CRB1: variants seen among roughly 807,000 people sequenced by gnomAD.
The protein encoded by CRB1 is crumbs cell polarity complex component 1, also known as protein crumbs homolog 1.
CRB1 carries 83 observed loss-of-function variants against 120.0 expected under a neutral mutation model. The observed-to-expected ratio is 0.69, with a 90% confidence interval of 0.58 to 0.83. The LOEUF is 0.83. Ranked by LOEUF, CRB1 falls within the 40% of genes least tolerant of loss-of-function variation. The pLI, the probability that CRB1 is intolerant of heterozygous loss-of-function variation, is 0.00. For missense variants in CRB1, 1,699 were observed against 1,687.6 expected (o/e 1.01, Z -0.12); for synonymous variants, 625 against 612.5 (o/e 1.02, Z -0.30).
intron 1 of CRB1, among the ~76,000 whole-genome samples, chr1:197,312,875 G>C (rs187240464): frequency 4.6e-4 from 70 of 152,020 alleles, no homozygotes; most frequent in African/African-American, 1.6e-3. Flanking sequence ...AATATATCAA[G>C]TGCATTAATC....
At chr1:197,355,614 G>A (rs962010691) in intron 4 of CRB1, among the ~76,000 whole-genome samples, 14 of 152,310 alleles carry the variant, frequency 9.2e-5, no homozygotes, top group East Asian at 1.9e-4. Flanking sequence ...GGGCTCCTGC[G>A]TACCCTCCAC....
At chr1:197,296,517 T>A (rs1417438258) in intron 1 of CRB1, among the ~76,000 whole-genome samples, 2 of 152,056 alleles carry the variant, frequency 1.3e-5, no homozygotes, top group Non-Finnish European at 2.9e-5. Context: ...AAGTCAGTTG[T>A]ATCTCCAGGT....
chr1:197,295,198 C>G (rs927241906), intron 1 of CRB1, among the ~76,000 whole-genome samples: 28 of 151,896 alleles, frequency 1.8e-4, no homozygotes, highest in African/African-American at 6.8e-4. Flanking sequence ...AATTGTTAAT[C>G]CTTTTTCAAT....
At chr1:197,422,101 G>A (rs566899146) in intron 6 of CRB1, 145 bp downstream of exon 6, 3 of 701,170 alleles carry the variant, frequency 4.3e-6, no homozygotes, top group South Asian at 1.8e-5. Flanking sequence ...TGATGAGAAA[G>A]AAAAGAAGAG....
intron 5 of CRB1, among the ~76,000 whole-genome samples, chr1:197,408,252 C>T (rs994626211): frequency 6.6e-5 from 10 of 151,930 alleles, no homozygotes; most frequent in African/African-American, 2.2e-4. Flanking sequence ...TTGGGCAGAA[C>T]TGTGAAAGAA....
chr1:197,352,898 T>C (rs1660187744), intron 4 of CRB1, among the ~76,000 whole-genome samples: 1 of 152,194 alleles, frequency 6.6e-6, no homozygotes, highest in African/African-American at 2.4e-5. Context: ...TGCTTATTAA[T>C]AGTCAATTCC....
the CRB1 span, among the ~76,000 whole-genome samples, chr1:197,213,069 A>G: frequency 1.3e-5 from 2 of 152,210 alleles, no homozygotes; most frequent in African/African-American, 4.8e-5. Flanking sequence ...AAACTTCTAA[A>G]TAACAGTAAA....
intron 11 of CRB1, among the ~76,000 whole-genome samples, chr1:197,473,177 G>A (rs1022832164): frequency 6.6e-6 from 1 of 152,116 alleles, no homozygotes; most frequent in African/African-American, 2.4e-5. Flanking sequence ...AGTATATGTA[G>A]GCTAAGTATA....
the CRB1 span, among the ~76,000 whole-genome samples, chr1:197,205,615 A>C: frequency 6.6e-6 from 1 of 152,068 alleles, no homozygotes; most frequent in African/African-American, 2.4e-5. Context: ...ATCATGGTGG[A>C]TTATCTTTTC....
chr1:197,407,999 A>G (rs185439607), intron 5 of CRB1, among the ~76,000 whole-genome samples: 1 of 152,328 alleles, frequency 6.6e-6, no homozygotes, highest in Admixed American at 6.5e-5. Flanking sequence ...CACACATTTC[A>G]TCAAGATATA....
the CRB1 span, among the ~76,000 whole-genome samples, chr1:197,205,418 T>G: frequency 2.0e-5 from 3 of 152,194 alleles, no homozygotes; most frequent in African/African-American, 7.2e-5. Flanking sequence ...TTAAGGTATG[T>G]CCCTTCTATG....
intron 5 of CRB1, among the ~76,000 whole-genome samples, chr1:197,413,642 G>A (rs1246380646): frequency 3.9e-5 from 6 of 152,158 alleles, no homozygotes; most frequent in African/African-American, 7.2e-5. Flanking sequence ...TACTGTCAGC[G>A]TTCAGTGTTG....
intron 1 of CRB1, among the ~76,000 whole-genome samples, chr1:197,280,823 A>G (rs1286457478): frequency 2.0e-5 from 3 of 151,880 alleles, no homozygotes; most frequent in African/African-American, 7.2e-5. Flanking sequence ...GAAGACTCAA[A>G]CATTTATTTA....
chr1:197,291,265 A>G (rs1469996475), intron 1 of CRB1, among the ~76,000 whole-genome samples: 1 of 151,886 alleles, frequency 6.6e-6, no homozygotes, highest in African/African-American at 2.4e-5. Context: ...AAGTGAGTGG[A>G]CATGTGTCTT....
At chr1:197,235,193 T>A in the CRB1 span, among the ~76,000 whole-genome samples, 1 of 152,146 alleles carries the variant, frequency 6.6e-6, no homozygotes, top group Non-Finnish European at 1.5e-5. Context: ...GGGGAACTTA[T>A]GTTTACTGTC....
Position 197,442,445 on chromosome 1 carries a change from A to C in CRB1, c.4005+153A>C, listed in dbSNP as rs918060829. The C allele has an allele frequency of 2.6e-6, 4 of 1,558,898 alleles. No individual in the cohort carries two copies. The Admixed American group carries it at 5.9e-5, about 23-fold the overall frequency. ...ATACATTTGAACATTCCCAAATGAA[A>C]AAAAAAGCCATTGAATTTCAAGAAA... On this transcript the variant is annotated intron_variant, in intron 11 of 11. Transcript: ENST00000367400.
chr1:197,469,412 T>C (rs190799927), intron 11 of CRB1, among the ~76,000 whole-genome samples: 2 of 152,066 alleles, frequency 1.3e-5, no homozygotes, highest in Admixed American at 1.3e-4. Flanking sequence ...GAGAGGATAA[T>C]TGGGCCAGGA....
At chr1:197,393,694 C>T (rs1005770011) in intron 5 of CRB1, among the ~76,000 whole-genome samples, 5 of 152,130 alleles carry the variant, frequency 3.3e-5, no homozygotes, top group Middle Eastern at 3.4e-3. Flanking sequence ...ATGCTTCACC[C>T]GATGTAATTT....
At chr1:197,393,233 A>C (rs1197362163) in intron 5 of CRB1, among the ~76,000 whole-genome samples, 1 of 152,112 alleles carries the variant, frequency 6.6e-6, no homozygotes, top group Non-Finnish European at 1.5e-5. Context: ...TTGCATGCAC[A>C]ATGTGTTATC....
Sources: allele counts gnomAD v4.1 joint callset (sites outside exome capture counted in the v4.1 genomes callset), GRCh38; gene constraint gnomAD v4.1.1; transcripts MANE v1.5; gene names NCBI Gene and HGNC (gene_info 2026-07-23, HGNC 2026-07-21).